MACROD2: variants seen among roughly 807,000 people sequenced by gnomAD.
MACROD2 encodes the protein ADP-ribose glycohydrolase MACROD2.
Under a neutral mutation model 70.4 loss-of-function variants are expected in MACROD2, and 36 were observed. The ratio of observed to expected loss-of-function variants is 0.51; its 90% CI spans 0.39 to 0.68. MACROD2 has a LOEUF of 0.68. Ranked by LOEUF, MACROD2 falls within the 30% of genes least tolerant of loss-of-function variation. MACROD2 has a pLI of 0.00. For missense variants in MACROD2, 496 were observed against 538.4 expected (o/e 0.92, Z 0.78); for synonymous variants, 172 against 178.8 (o/e 0.96, Z 0.30).
At chr20:15,688,393 T>C (rs932302567) in intron 8 of MACROD2, among the ~76,000 whole-genome samples, 15 of 152,120 alleles carry the variant, frequency 9.9e-5, no homozygotes, top group Non-Finnish European at 2.2e-4. Flanking sequence ...AGCGTCAGTA[T>C]TGGAAATGGG....
intron 5 of MACROD2, among the ~76,000 whole-genome samples, chr20:14,837,251 A>G (rs1002091984): frequency 1.3e-5 from 2 of 152,080 alleles, no homozygotes; most frequent in African/African-American, 4.8e-5. Flanking sequence ...AGAATGGGCT[A>G]TGAGTGAATA....
chr20:14,310,770 T>C (rs2082560144), intron 3 of MACROD2, among the ~76,000 whole-genome samples: 2 of 152,244 alleles, frequency 1.3e-5, no homozygotes, highest in South Asian at 4.1e-4. Flanking sequence ...GAAAATGATA[T>C]TGGTGATCCT....
chr20:15,076,903 A>G (rs954753075), intron 5 of MACROD2, among the ~76,000 whole-genome samples: 3 of 152,190 alleles, frequency 2.0e-5, no homozygotes, highest in Non-Finnish European at 4.4e-5. Context: ...TGAGAATGCA[A>G]TATCTGGTAG....
chr20:14,668,006 G>T (rs545085446), intron 4 of MACROD2, among the ~76,000 whole-genome samples: 1 of 151,878 alleles, frequency 6.6e-6, no homozygotes, highest in East Asian at 1.9e-4. Context: ...ATATTTGCTG[G>T]GCATCATGGT....
intron 3 of MACROD2, among the ~76,000 whole-genome samples, chr20:14,452,659 T>C (rs1481287954): frequency 6.6e-6 from 1 of 152,138 alleles, no homozygotes; most frequent in Non-Finnish European, 1.5e-5. Flanking sequence ...TGTAGCTCCC[T>C]TTATACAATG....
At chr20:15,370,890 T>C (rs910578002) in intron 6 of MACROD2, among the ~76,000 whole-genome samples, 2 of 152,182 alleles carry the variant, frequency 1.3e-5, no homozygotes, top group African/African-American at 4.8e-5. Context: ...ATAATTTTTA[T>C]AGTTAGTCTC....
chr20:14,522,790 C>G (rs575343250), intron 4 of MACROD2, among the ~76,000 whole-genome samples: 10 of 152,248 alleles, frequency 6.6e-5, no homozygotes, highest in East Asian at 1.9e-4. Flanking sequence ...TAGATCTAGT[C>G]TCAACATGAA....
At chr20:15,081,692 C>A (rs2075704864) in intron 5 of MACROD2, among the ~76,000 whole-genome samples, 1 of 152,230 alleles carries the variant, frequency 6.6e-6, no homozygotes. Flanking sequence ...GTAGAGACCA[C>A]CCCTCTGATA....
At chr20:15,684,670 G>A (rs1196841123) in intron 8 of MACROD2, among the ~76,000 whole-genome samples, 1 of 152,208 alleles carries the variant, frequency 6.6e-6, no homozygotes, top group Non-Finnish European at 1.5e-5. Flanking sequence ...TGTGAGCTGG[G>A]TTAGAATCCA....
intron 8 of MACROD2, among the ~76,000 whole-genome samples, chr20:15,777,312 T>C (rs191729946): frequency 6.6e-6 from 1 of 152,286 alleles, no homozygotes; most frequent in African/African-American, 2.4e-5. Context: ...TTTAGTTTTA[T>C]ATAATGAGGT....
intron 3 of MACROD2, among the ~76,000 whole-genome samples, chr20:14,401,070 CAA>C (rs1156262069): frequency 6.6e-6 from 1 of 152,144 alleles, no homozygotes; most frequent in African/African-American, 2.4e-5. Flanking sequence ...CTAATTCTAT[CAA>C]AAACTAATTT....
intron 5 of MACROD2, among the ~76,000 whole-genome samples, chr20:14,819,712 AAAAGAGG>A (rs2072817997): frequency 6.6e-6 from 1 of 152,222 alleles, no homozygotes; most frequent in East Asian, 1.9e-4. Context: ...GCTGAAAGTT[AAAAGAGG>A]ATGACTAAGC....
At chr20:16,025,166 G>A (rs2067059904) in intron 15 of MACROD2, among the ~76,000 whole-genome samples, 1 of 152,170 alleles carries the variant, frequency 6.6e-6, no homozygotes, top group Admixed American at 6.5e-5. Flanking sequence ...AAAGTTTCTT[G>A]AACTGTCTCC....
At chr20:15,252,609 A>G (rs2077165571) in intron 6 of MACROD2, among the ~76,000 whole-genome samples, 1 of 152,198 alleles carries the variant, frequency 6.6e-6, no homozygotes, top group Non-Finnish European at 1.5e-5. Context: ...ACAAAGAGGG[A>G]TAATCCTCCC....
At chr20:15,248,848 C>T (rs1035522690) in intron 6 of MACROD2, among the ~76,000 whole-genome samples, 2 of 152,188 alleles carry the variant, frequency 1.3e-5, no homozygotes, top group African/African-American at 4.8e-5. Context: ...CAAGAACTCT[C>T]ATATCCTTTG....
At chr20:15,950,858 T>A (rs909689250) in intron 12 of MACROD2, among the ~76,000 whole-genome samples, 7 of 152,184 alleles carry the variant, frequency 4.6e-5, no homozygotes, top group Admixed American at 3.3e-4. Flanking sequence ...TGAATTGAAA[T>A]GCTCAGGGGA....
rs554531880 is a variant in MACROD2, at chr20:15,895,587, A to G, written c.775+9776A>G. ...GAGGCTGAAGAAGAGCCCCAGAATC[A>G]CTGAAAGAGACATGGGGTTTTCCTG... On this transcript the variant is annotated intron_variant, in intron 10 of 17. Transcript: ENST00000684519. 2.6e-5 allele frequency among the ~76,000 whole-genome samples: 4 copies of G among 152,366 alleles called. No individual in the cohort carries two copies. The East Asian group carries it at 7.7e-4, about 29-fold the overall frequency.
At chr20:15,699,694 A>AG (rs375935154) in intron 8 of MACROD2, among the ~76,000 whole-genome samples, 61 of 152,310 alleles carry the variant, frequency 4.0e-4, no homozygotes, top group African/African-American at 1.4e-3. Context: ...TGCGAAAGAA[A>AG]GGGCTTTAGT....
intron 5 of MACROD2, among the ~76,000 whole-genome samples, chr20:14,844,832 T>A (rs186636208): frequency 6.6e-6 from 1 of 152,214 alleles, no homozygotes; most frequent in East Asian, 1.9e-4. Context: ...ATTTTCTGAG[T>A]GATATATGGA....
Sources: gnomAD v4.1 joint callset for allele counts (sites outside exome capture counted in the v4.1 genomes callset) on GRCh38, gnomAD v4.1.1 for gene constraint, MANE v1.5 for transcripts, NCBI Gene and HGNC (gene_info 2026-07-23, HGNC 2026-07-21) for gene names.